The following PATJ variants were observed in gnomAD, a reference collection of about 807,000 sequenced individuals.
The protein encoded by PATJ is PATJ crumbs cell polarity complex component.
In PATJ, 190 loss-of-function variants were observed where a neutral mutation model predicts 224.9. That is an observed-to-expected ratio of 0.84 (90% confidence interval 0.75 to 0.95). The LOEUF is 0.95. Ranked by LOEUF, PATJ falls within the 40% of genes least tolerant of loss-of-function variation. The pLI, the probability that PATJ is intolerant of heterozygous loss-of-function variation, is 0.00. For missense variants in PATJ, 2,121 were observed against 2,270.3 expected, an observed-to-expected ratio of 0.93 and a Z score of 1.34; for synonymous variants, 769 against 820.3, an observed-to-expected ratio of 0.94 and a Z score of 1.07.
intron 17 of PATJ, among the ~76,000 whole-genome samples, chr1:61,840,172 ACT>A (rs1488761496): frequency 1.3e-5 from 2 of 151,956 alleles, no homozygotes; most frequent in Non-Finnish European, 2.9e-5. Context: ...CTGCCTATTA[ACT>A]CTGTTAGAAT....
At chr1:61,846,578 A>G (rs1661995160) in intron 17 of PATJ, among the ~76,000 whole-genome samples, 1 of 152,166 alleles carries the variant, frequency 6.6e-6, no homozygotes, top group African/African-American at 2.4e-5. Context: ...TGTTAAGTAT[A>G]TTCACATTTC....
chr1:61,953,626 T>G (rs1423988523), intron 27 of PATJ, among the ~76,000 whole-genome samples: 2 of 152,226 alleles, frequency 1.3e-5, no homozygotes, highest in Non-Finnish European at 2.9e-5. Flanking sequence ...GGAATTGCTT[T>G]CAGTTGTCTG....
intron 26 of PATJ, 62 bp downstream of exon 26, chr1:61,914,726 A>G (rs1244552775): frequency 2.9e-6 from 3 of 1,027,810 alleles, no homozygotes; most frequent in Middle Eastern, 2.1e-4. Context: ...TTTGTTTTCC[A>G]TATCTGGGCT....
chr1:61,765,472 C>T (rs1333228147), intron 3 of PATJ, among the ~76,000 whole-genome samples: 2 of 151,876 alleles, frequency 1.3e-5, no homozygotes, highest in African/African-American at 4.8e-5. Context: ...TAGCCTCCAC[C>T]TGCGGGATTC....
chr1:62,136,669 G>C (rs2941680), intron 41 of PATJ, among the ~76,000 whole-genome samples: 28 of 116,518 alleles, frequency 2.4e-4, no homozygotes, highest in South Asian at 5.7e-4. Context: ...GTGTGTCTGT[G>C]TGTGTGTGTG....
At chr1:61,871,488 T>C (rs1319276046) in intron 20 of PATJ, among the ~76,000 whole-genome samples, 18 of 140,624 alleles carry the variant, frequency 1.3e-4, no homozygotes, top group African/African-American at 4.4e-4. Flanking sequence ...TATATGTGTA[T>C]ATATGTATAT....
chr1:61,812,779 G>C (rs182874499), intron 14 of PATJ, among the ~76,000 whole-genome samples: 2 of 151,952 alleles, frequency 1.3e-5, no homozygotes, highest in Admixed American at 6.6e-5. Context: ...AACCTGGGAG[G>C]TGGAGGCCTC....
chr1:62,059,233 G>C (rs1375321785), intron 31 of PATJ, among the ~76,000 whole-genome samples: 1 of 152,132 alleles, frequency 6.6e-6, no homozygotes, highest in African/African-American at 2.4e-5. Flanking sequence ...AGGAAAAAAG[G>C]ACTTTATACC....
At chr1:61,952,935 AG>A (rs371254426) in intron 27 of PATJ, among the ~76,000 whole-genome samples, 324 of 152,362 alleles carry the variant, frequency 2.1e-3, no homozygotes, top group African/African-American at 7.5e-3. Flanking sequence ...AGTAAACAAA[AG>A]GCTGCTTTTT....
chr1:61,973,242 G>T (rs1683216089), intron 27 of PATJ, among the ~76,000 whole-genome samples: 1 of 151,976 alleles, frequency 6.6e-6, no homozygotes, highest in African/African-American at 2.4e-5. Flanking sequence ...AGAGAGTGGG[G>T]CTGCGAGCAA....
At chr1:61,757,721 C>G (rs528808721) in intron 1 of PATJ, among the ~76,000 whole-genome samples, 72 of 152,294 alleles carry the variant, frequency 4.7e-4, no homozygotes, top group South Asian at 1.0e-3. Context: ...ATACCTGCAG[C>G]ATTTAAAGTT....
chr1:62,010,226 C>T (rs1646361781), intron 28 of PATJ, among the ~76,000 whole-genome samples: 1 of 152,088 alleles, frequency 6.6e-6, no homozygotes, highest in Admixed American at 6.6e-5. Flanking sequence ...AGTTCTCTGT[C>T]CATTTCCACC....
At chr1:61,978,205 C>T (rs1644248432) in intron 27 of PATJ, among the ~76,000 whole-genome samples, 1 of 135,528 alleles carries the variant, frequency 7.4e-6, no homozygotes, top group African/African-American at 2.7e-5. Context: ...ATCTTCCTTC[C>T]TTCCTTCCTT....
chr1:62,085,823 TAA>T (rs781768840), intron 33 of PATJ, among the ~76,000 whole-genome samples: 49 of 118,548 alleles, frequency 4.1e-4, no homozygotes, highest in Non-Finnish European at 3.8e-4. Flanking sequence ...TGTCTCTGTT[TAA>T]AAAAAAAAAA....
rs1658496022 is a variant in PATJ at position 61,827,568 on chromosome 1, T to A, written c.1965T>A (p.Ser655=). 6.2e-7 allele frequency: 1 copy of A among 1,613,896 alleles called. No individual in the cohort carries two copies. Among genetic ancestry groups the A allele is most frequent in the Non-Finnish European group, 8.5e-7 (1 of 1,179,878 alleles). The change falls in exon 16 of 44, where the codon TCT becomes TCA. Residue 655 remains serine, a synonymous_variant. Coordinates refer to ENST00000642238, the MANE Select transcript of PATJ (RefSeq NM_001350145.3). Reference sequence around the variant, plus strand: ...ATGAACCAAGGCGCACTGAAACCTCTCTTCCTGAGACAGAGGTACTAAATG... The same window carrying A: ...ATGAACCAAGGCGCACTGAAACCTCACTTCCTGAGACAGAGGTACTAAATG... ...SVDEPRRTET[S]LPETEVDHNM...
At chr1:61,916,542 T>C (rs1461188786) in intron 26 of PATJ, among the ~76,000 whole-genome samples, 1 of 152,242 alleles carries the variant, frequency 6.6e-6, no homozygotes, top group East Asian at 1.9e-4. Flanking sequence ...TTTTTCTTCC[T>C]GATATTTAAG....
chr1:62,061,302 C>T (rs951760375), intron 31 of PATJ, among the ~76,000 whole-genome samples: 4 of 152,006 alleles, frequency 2.6e-5, no homozygotes, highest in African/African-American at 4.8e-5. Context: ...CTGCCTCAGC[C>T]TCCCGAGTAG....
At chr1:61,815,891 GA>G (rs1205900243) in intron 14 of PATJ, among the ~76,000 whole-genome samples, 3 of 152,108 alleles carry the variant, frequency 2.0e-5, no homozygotes, top group Non-Finnish European at 4.4e-5. Flanking sequence ...CACTTTTAGG[GA>G]TGGCTTTCTT....
intron 29 of PATJ, among the ~76,000 whole-genome samples, chr1:62,023,638 C>G (rs1448448922): frequency 6.6e-6 from 1 of 152,164 alleles, no homozygotes; most frequent in East Asian, 1.9e-4. Flanking sequence ...TAGGCTAAGA[C>G]TCGAAGGATA....
Sources: allele counts gnomAD v4.1 joint callset (sites outside exome capture counted in the v4.1 genomes callset), GRCh38; gene constraint gnomAD v4.1.1; transcripts MANE v1.5; gene names NCBI Gene and HGNC (gene_info 2026-07-23, HGNC 2026-07-21).